The following ANK2 variants were observed in gnomAD, a reference collection of about 807,000 sequenced individuals.
ANK2 encodes the protein ankyrin-2.
A neutral mutation model predicts 360.5 loss-of-function variants in ANK2; 83 were observed. The ratio of observed to expected loss-of-function variants is 0.23; its 90% confidence interval spans 0.19 to 0.28. ANK2 has a LOEUF of 0.28. Among genes scored for constraint, ANK2 ranks in the 10% least tolerant of loss-of-function variants. The pLI is 1.00. For missense variants in ANK2, 4,201 were observed against 4,795.7 expected (o/e 0.88, Z 3.66); for synonymous variants, 1,740 against 1,759.5 (o/e 0.99, Z 0.28).
chr4:113,093,129 G>T (rs1177634979), intron 1 of ANK2, among the ~76,000 whole-genome samples: 1 of 152,062 alleles, frequency 6.6e-6, no homozygotes, highest in African/African-American at 2.4e-5. Flanking sequence ...TATAGAACTG[G>T]CAGTAACCAA....
At chr4:113,181,323 T>C (rs2098407882) in intron 2 of ANK2, among the ~76,000 whole-genome samples, 1 of 152,208 alleles carries the variant, frequency 6.6e-6, no homozygotes, top group Non-Finnish European at 1.5e-5. Flanking sequence ...CTAAGCGACA[T>C]GGATTTTAAT....
At chr4:112,888,541 AT>A (rs1018785664) in intron 1 of ANK2, among the ~76,000 whole-genome samples, 1,832 of 148,982 alleles carry the variant, frequency 0.012, 26 homozygotes, top group African/African-American at 0.033. Context: ...ACAGCTCTGA[AT>A]TTTTTTTTTT....
At chr4:113,091,391 T>A (rs1295676824) in intron 1 of ANK2, among the ~76,000 whole-genome samples, 3 of 152,228 alleles carry the variant, frequency 2.0e-5, no homozygotes, top group Admixed American at 2.0e-4. Context: ...AATTTTGGAT[T>A]GGCACAGTCT....
intron 1 of ANK2, among the ~76,000 whole-genome samples, chr4:112,861,291 T>A (rs892240626): frequency 2.6e-5 from 4 of 152,230 alleles, no homozygotes; most frequent in African/African-American, 9.6e-5. Context: ...AAATTGCTTA[T>A]GGGCTACTTC....
At chr4:113,004,156 C>A (rs2051868009) in intron 2 of ANK2, among the ~76,000 whole-genome samples, 2 of 152,108 alleles carry the variant, frequency 1.3e-5, no homozygotes. Flanking sequence ...TTAGGCTACA[C>A]TACATTTATA....
intron 14 of ANK2, among the ~76,000 whole-genome samples, chr4:113,267,074 C>T (rs1032559326): frequency 6.6e-6 from 1 of 152,176 alleles, no homozygotes; most frequent in Admixed American, 6.5e-5. Flanking sequence ...TGTTCATATC[C>T]TTCGCCGACT....
chr4:113,136,988 C>T (rs2096447668), intron 1 of ANK2, among the ~76,000 whole-genome samples: 1 of 152,078 alleles, frequency 6.6e-6, no homozygotes, highest in African/African-American at 2.4e-5. Context: ...AAACTCCTGA[C>T]CTCAAGTGAT....
chr4:113,200,052 G>A (rs888804060), intron 4 of ANK2, among the ~76,000 whole-genome samples: 1 of 151,972 alleles, frequency 6.6e-6, no homozygotes. Flanking sequence ...TTTTAATTTT[G>A]GGAAAAATCT....
At chr4:113,044,731 G>A (rs1438428476), upstream of ANK2, among the ~76,000 whole-genome samples, 1 of 152,042 alleles carries the variant, frequency 6.6e-6, no homozygotes, top group Non-Finnish European at 1.5e-5. Flanking sequence ...GTCTTTGCAT[G>A]GCCATCTTCT....
At chr4:112,744,077 C>T in the ANK2 span, among the ~76,000 whole-genome samples, 1 of 152,216 alleles carries the variant, frequency 6.6e-6, no homozygotes, top group Non-Finnish European at 1.5e-5. Context: ...CCACCTCGGC[C>T]TCCCAAAGTG....
chr4:112,996,994 C>T (rs1384401872), intron 2 of ANK2, among the ~76,000 whole-genome samples: 1 of 152,020 alleles, frequency 6.6e-6, no homozygotes, highest in African/African-American at 2.4e-5. Flanking sequence ...AATGCTTTTT[C>T]ACTCTCTGTC....
chr4:113,114,426 G>A (rs1434154112), intron 1 of ANK2, among the ~76,000 whole-genome samples: 1 of 152,022 alleles, frequency 6.6e-6, no homozygotes, highest in Non-Finnish European at 1.5e-5. Context: ...TGCGTATGTC[G>A]GTCAATCTAA....
At chr4:112,995,250 T>C (rs1284445204) in intron 2 of ANK2, among the ~76,000 whole-genome samples, 2 of 150,210 alleles carry the variant, frequency 1.3e-5, no homozygotes, top group African/African-American at 5.0e-5. Context: ...CATTCCCTTT[T>C]CTCTGTAGTC....
intron 14 of ANK2, among the ~76,000 whole-genome samples, chr4:113,270,718 A>T (rs983139551): frequency 1.3e-5 from 2 of 152,170 alleles, no homozygotes; most frequent in African/African-American, 4.8e-5. Context: ...CATACAAATT[A>T]CCTGGGCACC....
intron 1 of ANK2, among the ~76,000 whole-genome samples, chr4:113,057,718 A>G (rs2070820585): frequency 6.6e-6 from 1 of 152,136 alleles, no homozygotes; most frequent in Non-Finnish European, 1.5e-5. Context: ...CCAAATTAAC[A>G]AGACATTCGA....
In ANK2 at chr4:113,341,914, G is replaced by T; in HGVS notation, c.4120G>T (p.Glu1374Ter). 6.2e-7 allele frequency: 1 copy of T among 1,606,044 alleles called. No individual in the cohort carries two copies. The change falls in exon 33 of 46, where the codon GAG becomes TAG. Residue 1374 changes from glutamate to a stop codon, truncating the protein, a stop_gained and splice_region_variant. Coordinates refer to ENST00000357077, the MANE Select transcript of ANK2 (RefSeq NM_001148.6). LOFTEE classifies it high-confidence loss of function. Reference sequence around the variant, plus strand: ...TGAGGTGGCCAGAAGCAGGGATGTGGAGGTACTGTACCAAAAATAATAATA... The same window carrying T: ...TGAGGTGGCCAGAAGCAGGGATGTGTAGGTACTGTACCAAAAATAATAATA... ...FAEVARSRDV[E>*]VLEGKPIYVD...
chr4:112,777,593 A>G, the ANK2 span, among the ~76,000 whole-genome samples: 1 of 147,786 alleles, frequency 6.8e-6, no homozygotes, highest in Non-Finnish European at 1.5e-5. Context: ...TATTCAAAGT[A>G]GTTTTAAAAA....
rs190700821 is a variant in ANK2, at chr4:113,357,282, G to A, written c.8664G>A (p.Lys2888=). ...KTDETFENLP[K]DCPSQDSSIT... ...ATGAAACATTTGAGAACTTACCAAAGGACTGCCCCTCTCAAGACTCATCCA... is the reference window on the plus strand; with the variant it reads ...ATGAAACATTTGAGAACTTACCAAAAGACTGCCCCTCTCAAGACTCATCCA... The change falls in exon 38 of 46, where the codon AAG becomes AAA. Residue 2888 remains lysine, a synonymous_variant. Transcript: ENST00000357077. 1 of 1,613,990 alleles carries A rather than the reference G, an allele frequency of 6.2e-7. No homozygotes were observed. The highest frequency in any genetic ancestry group is 1.3e-5 in the African/African-American group (1 of 75,018).
intron 1 of ANK2, among the ~76,000 whole-genome samples, chr4:113,165,836 T>A (rs1040310442): frequency 2.0e-5 from 3 of 152,156 alleles, no homozygotes; most frequent in Non-Finnish European, 4.4e-5. Context: ...AAGCCTTAGA[T>A]AGGTGTGGTA....
Sources: allele counts gnomAD v4.1 joint callset (sites outside exome capture counted in the v4.1 genomes callset), GRCh38; gene constraint gnomAD v4.1.1; transcripts MANE v1.5; gene names NCBI Gene and HGNC (gene_info 2026-07-23, HGNC 2026-07-21).